The following COL17A1 variants were observed in gnomAD, a reference collection of about 807,000 sequenced individuals.
COL17A1 encodes the protein collagen alpha-1(XVII) chain.
Under a neutral mutation model 218.4 loss-of-function variants are expected in COL17A1, and 181 were observed. The ratio of observed to expected loss-of-function variants is 0.83; its 90% confidence interval spans 0.73 to 0.94. The LOEUF is 0.94. Among genes scored for constraint, COL17A1 ranks in the 40% least tolerant of loss-of-function variants. The pLI, the probability that COL17A1 is intolerant of heterozygous loss-of-function variation, is 0.00. For synonymous variants in COL17A1, 721 were observed against 731.0 expected, an observed-to-expected ratio of 0.99 and a Z score of 0.22; for missense variants, 1,924 against 1,945.9, an observed-to-expected ratio of 0.99 and a Z score of 0.21.
chr10:104,056,136 G>C, intron 17 of COL17A1, 133 bp from the exon 18 acceptor site: 1 of 1,092,930 alleles, frequency 9.1e-7, no homozygotes, highest in Admixed American at 1.8e-5. Context: ...TACTCATGCA[G>C]AGATAATCTG....
intron 34 of COL17A1, 55 bp from the exon 35 acceptor site, chr10:104,043,636 C>G: frequency 6.3e-7 from 1 of 1,597,244 alleles, no homozygotes; most frequent in Non-Finnish European, 8.6e-7. Flanking sequence ...CTCAGAGGCG[C>G]TGGGACCCAA....
chr10:104,073,098 C>A lies in COL17A1; in HGVS notation c.415+112G>T, dbSNP rs2086681717. ...AGCTCCTCGAAAGCAGAAAGCATGC[C>A]TTATTTATTCTTCTGTACTCCTTAC... On this transcript the variant is annotated intron_variant, in intron 7 of 55. Coordinates refer to ENST00000648076, the MANE Select transcript of COL17A1 (RefSeq NM_000494.4). 4 of 984,800 alleles carry A rather than the reference C, an allele frequency of 4.1e-6. No homozygotes were observed. In the South Asian group the frequency reaches 5.1e-5, roughly 13 times the overall value. 61.0% of individuals were successfully genotyped at this position (984,800 alleles called of 1,614,324 possible). A position where few individuals can be genotyped will look rare whatever the true frequency, so the allele number is the denominator to read the frequency against.
intron 11 of COL17A1, 168 bp downstream of exon 11, chr10:104,063,579 T>G: frequency 4.7e-6 from 5 of 1,066,634 alleles, no homozygotes; most frequent in Non-Finnish European, 7.0e-6. Context: ...ACTTTTCCCT[T>G]GGGGTCTGAG....
Position 104,046,747 on chromosome 10 carries a change from C to T in COL17A1, c.2362G>A (p.Gly788Arg), listed in dbSNP as rs2086414316. The T allele has an allele frequency of 2.5e-6, 4 of 1,613,930 alleles. No homozygotes were observed. The highest frequency in any genetic ancestry group is 3.4e-6 in the Non-Finnish European group (4 of 1,179,912). Reference protein sequence around the residue: ...PGLTGPQGPQGLPGTPGRPGI... With the variant: ...PGLTGPQGPQRLPGTPGRPGI... ...AGGTGGGAATGATCCAGCGACTCAC[C>T]CTGAGGTCCCTGGGGTCCTGTGAGA... The change falls in exon 32 of 56, where the codon GGA becomes AGA. Residue 788 changes from glycine (G) to arginine (R), a missense_variant and splice_region_variant. By Grantham distance (125) the Gly-to-Arg change is moderately radical. Coordinates refer to ENST00000648076, the MANE Select transcript of COL17A1 (RefSeq NM_000494.4).
chr10:104,053,187 C>T (rs745745026), intron 22 of COL17A1, 52 bp from the exon 23 acceptor site: 49 of 1,596,184 alleles, frequency 3.1e-5, no homozygotes, highest in African/African-American at 8.0e-5. Context: ...CCCCAGCTAA[C>T]GGCTCCACAG....
intron 9 of COL17A1, 73 bp downstream of exon 9, chr10:104,070,353 G>A (rs1190320283): frequency 1.2e-6 from 2 of 1,602,420 alleles, no homozygotes; most frequent in East Asian, 4.5e-5. Flanking sequence ...CTGGGTCTCT[G>A]AGTCCACTCT....
At chr10:104,042,384 G>A in intron 36 of COL17A1, 36 bp downstream of exon 36, 1 of 1,612,446 alleles carries the variant, frequency 6.2e-7, no homozygotes, top group Non-Finnish European at 8.5e-7. Context: ...TCCCGACTGG[G>A]CCCATCGCTT....
intron 6 of COL17A1, among the ~76,000 whole-genome samples, chr10:104,073,584 A>G (rs1158173568): frequency 2.6e-5 from 4 of 152,236 alleles, no homozygotes; most frequent in Non-Finnish European, 5.9e-5. Flanking sequence ...AAAAGCTCCC[A>G]AGTCTTCCCT....
At chr10:104,051,580 G>C in intron 24 of COL17A1, 64 bp from the exon 25 acceptor site, 1 of 1,597,162 alleles carries the variant, frequency 6.3e-7, no homozygotes, top group East Asian at 2.2e-5. Context: ...ATCTGGCCCC[G>C]GTGCAGGGCA....
At chr10:104,035,890 G>GTGTA (rs2086279759) in intron 48 of COL17A1, among the ~76,000 whole-genome samples, 1 of 148,428 alleles carries the variant, frequency 6.7e-6, no homozygotes, top group African/African-American at 2.5e-5. Context: ...GTACTGGAGT[G>GTGTA]TATGGGAGCG....
rs1564671460 is a variant in COL17A1 at position 104,036,149 on chromosome 10, TATGGGA to T, written c.3418+337_3418+342del. Among the ~76,000 whole-genome samples, 5 of 40,008 alleles carry T rather than the reference TATGGGA, an allele frequency of 1.2e-4. 1 individual carries two copies. Among genetic ancestry groups the T allele is most frequent in the South Asian group, 1.7e-3 (2 of 1,208 alleles). The allele number at this position is 40,008 out of a possible 152,430, so 26.2% of individuals were successfully genotyped here. On this transcript the variant is annotated intron_variant, in intron 48 of 55. Coordinates refer to ENST00000648076, the MANE Select transcript of COL17A1 (RefSeq NM_000494.4). ...GTGTGTATATGTGTGTGTATGGGTG[TATGGGA>T]GTGTGAGTATGGGTGTGTGTGTATG... is the stretch of plus-strand genomic sequence containing the variant.
At chr10:104,052,098 C>G in intron 24 of COL17A1, 57 bp downstream of exon 24, 1 of 1,612,160 alleles carries the variant, frequency 6.2e-7, no homozygotes, top group Non-Finnish European at 8.5e-7. Flanking sequence ...TGTGATCCAT[C>G]CTGAATGTGG....
At position 104,073,235 on chromosome 10, in the gene COL17A1, T is replaced by C. The variant is rs1399809996; in HGVS notation, c.390A>G (p.Ser130=). ...CTCGTGTTTGACTCCGTCCTCTGGT[T>C]GAAGAAGATGCTGAGAAACAAAGAA... ...EYPRKEFASS[S]TRGRSQTRES... is the part of the protein sequence containing the mutation. Residue 130 remains serine (S), a synonymous_variant, in exon 7 of 56, where the codon TCA becomes TCG. Coordinates refer to ENST00000648076, the MANE Select transcript of COL17A1 (RefSeq NM_000494.4). The C allele has an allele frequency of 1.2e-6, 2 of 1,613,924 alleles. No individual in the cohort carries two copies. The highest frequency in any genetic ancestry group is 1.7e-6 in the Non-Finnish European group (2 of 1,179,868).
Position 104,076,184 on chromosome 10 carries a change from G to C in COL17A1, c.331+117C>G, listed in dbSNP as rs180878699. 9.4e-4 allele frequency: 1,409 copies of C among 1,495,260 alleles called. 22 individuals carry two copies. Among genetic ancestry groups the C allele is most frequent in the Non-Finnish European group, 9.0e-5 (97 of 1,078,430 alleles). 92.6% of individuals were successfully genotyped at this position (1,495,260 alleles called of 1,614,324 possible). A position where few individuals can be genotyped will look rare whatever the true frequency, so the allele number is the denominator to read the frequency against. ...GGAAGTCCATAAAAGAAATGAAGGA[G>C]GAGTGGGGAGAAAGGTGAAGGGCAG... On this transcript the variant is annotated intron_variant, in intron 5 of 55. Transcript: ENST00000648076.
intron 1 of COL17A1, among the ~76,000 whole-genome samples, chr10:104,083,705 C>A (rs529906051): frequency 6.6e-6 from 1 of 152,162 alleles, no homozygotes; most frequent in African/African-American, 2.4e-5. Flanking sequence ...TGAACCATCA[C>A]GTTAACTGTT....
chr10:104,058,145 C>T lies in COL17A1; in HGVS notation c.1267+1G>A, dbSNP rs922034378. ...CTGCAGGGTTCGCGGTTCTCACCCA[C>T]CTGCAGTGGTGGTCTTGCCCTTTGT... On this transcript the variant is annotated splice_donor_variant, in intron 16 of 55. Coordinates refer to ENST00000648076, the MANE Select transcript of COL17A1 (RefSeq NM_000494.4). LOFTEE classifies it high-confidence loss of function. 2 of 1,614,060 alleles carry T rather than the reference C, an allele frequency of 1.2e-6. No individual in the cohort carries two copies. Among genetic ancestry groups the T allele is most frequent in the African/African-American group, 1.3e-5 (1 of 74,922 alleles).
At chr10:104,076,536 G>C in intron 4 of COL17A1, 107 bp from the exon 5 acceptor site, 2 of 1,502,046 alleles carry the variant, frequency 1.3e-6, no homozygotes, top group Non-Finnish European at 1.8e-6. Flanking sequence ...GAGGGTCTTC[G>C]GGAGGGCACA....
intron 25 of COL17A1, among the ~76,000 whole-genome samples, chr10:104,051,223 G>A (rs1417392354): frequency 1.3e-5 from 2 of 152,192 alleles, no homozygotes; most frequent in African/African-American, 4.8e-5. Context: ...TTGCTCAGAT[G>A]GAGGCAGGAT....
chr10:104,043,454 G>T lies in COL17A1; in HGVS notation c.2515+47C>A, dbSNP rs372559149. 3.9e-6 allele frequency: 6 copies of T among 1,529,432 alleles called. 1 individual carries two copies. Among genetic ancestry groups the T allele is most frequent in the Non-Finnish European group, 5.4e-6 (6 of 1,107,682 alleles). 94.7% of individuals were successfully genotyped at this position (1,529,432 alleles called of 1,614,324 possible). A position where few individuals can be genotyped will look rare whatever the true frequency, so the allele number is the denominator to read the frequency against. On this transcript the variant is annotated intron_variant, in intron 35 of 55. Coordinates refer to ENST00000648076, the MANE Select transcript of COL17A1 (RefSeq NM_000494.4). ...AAGAAATATGGCTAGAGTCACTACCGCCAAGACCTATTGCTGATTTGGGGC... is the reference window on the plus strand; with the variant it reads ...AAGAAATATGGCTAGAGTCACTACCTCCAAGACCTATTGCTGATTTGGGGC...
Sources: gnomAD v4.1 joint callset for allele counts (sites outside exome capture counted in the v4.1 genomes callset) on GRCh38, gnomAD v4.1.1 for gene constraint, MANE v1.5 for transcripts, NCBI Gene and HGNC (gene_info 2026-07-23, HGNC 2026-07-21) for gene names.